PLD1: variants seen among roughly 807,000 people sequenced by gnomAD.
The protein encoded by PLD1 is choline phosphatase 1.
A neutral mutation model predicts 137.1 loss-of-function variants in PLD1; 112 were observed. The ratio of observed to expected loss-of-function variants is 0.82; its 90% CI spans 0.70 to 0.96. The LOEUF (loss-of-function observed/expected upper bound fraction) is 0.96. PLD1 is among the 40% of genes least tolerant of loss of function. The pLI, the probability that PLD1 is intolerant of heterozygous loss-of-function variation, is 0.00. For synonymous variants in PLD1, 431 were observed against 454.7 expected (o/e 0.95, Z 0.66); for missense variants, 1,321 against 1,342.0 (o/e 0.98, Z 0.24).
chr3:171,631,268 C>G (rs780082230), intron 23 of PLD1, among the ~76,000 whole-genome samples: 1 of 151,944 alleles, frequency 6.6e-6, no homozygotes, highest in African/African-American at 2.4e-5. Context: ...GCCAGCAATC[C>G]CAAACCTATT....
intron 1 of PLD1, among the ~76,000 whole-genome samples, chr3:171,753,118 T>A (rs1720777334): frequency 1.3e-5 from 2 of 152,222 alleles, no homozygotes; most frequent in African/African-American, 4.8e-5. Flanking sequence ...GACAACCAGA[T>A]GGGCTGGATA....
chr3:171,679,341 A>G (rs1040072129), intron 16 of PLD1, among the ~76,000 whole-genome samples: 1 of 152,252 alleles, frequency 6.6e-6, no homozygotes, highest in Admixed American at 6.5e-5. Context: ...AAATCATGTT[A>G]AAAATAGACT....
chr3:171,755,227 T>G (rs1316599759), intron 1 of PLD1, among the ~76,000 whole-genome samples: 5 of 152,084 alleles, frequency 3.3e-5, no homozygotes, highest in Non-Finnish European at 7.4e-5. Flanking sequence ...CTTTTCAAAG[T>G]CAACTTCCTA....
rs564188018 is a variant in PLD1 at position 171,615,851 on chromosome 3, C to G, written c.2729-3419G>C. Among the ~76,000 whole-genome samples, 3 of 152,292 alleles carry G rather than the reference C, an allele frequency of 2.0e-5. No homozygotes were observed. In the South Asian group the frequency reaches 6.2e-4, roughly 32 times the overall value. ...CTGAGTATTTGTTTCTTGGTATAGA[C>G]ATGTGTGAGTTTCTTAGGCTCTGTA... On this transcript the variant is annotated intron_variant, in intron 24 of 26. Coordinates refer to ENST00000351298, the MANE Select transcript of PLD1 (RefSeq NM_002662.5).
At chr3:171,732,623 G>T (rs1222719507) in intron 6 of PLD1, among the ~76,000 whole-genome samples, 1 of 152,130 alleles carries the variant, frequency 6.6e-6, no homozygotes, top group Non-Finnish European at 1.5e-5. Flanking sequence ...CTCTAAACTA[G>T]CGGACAAATC....
chr3:171,780,923 T>C (rs1016332875), intron 1 of PLD1, among the ~76,000 whole-genome samples: 3 of 152,214 alleles, frequency 2.0e-5, no homozygotes, highest in African/African-American at 7.2e-5. Context: ...ATACCAATTA[T>C]AAACTCATCA....
chr3:171,770,888 C>CATAAAAAAAAAAAAAAAAAAAAA (rs1722302790), intron 1 of PLD1, among the ~76,000 whole-genome samples: 1 of 40,882 alleles, frequency 2.4e-5, no homozygotes, highest in African/African-American at 7.9e-5. Flanking sequence ...AACCCTATCT[C>CATAAAAAAAAAAAAAAAAAAAAA]AAAAAAAAAA....
chr3:171,776,976 C>T lies in PLD1; in HGVS notation c.-32+33423G>A, dbSNP rs146303331. Among the ~76,000 whole-genome samples the T allele has an allele frequency of 4.4e-3, 667 of 152,062 alleles. 1 individual carries two copies. The highest frequency in any genetic ancestry group is 0.015 in the African/African-American group (636 of 41,468). ...TTTAAATACCTGATCAGTTCACAGACGACTTTGGCCCCTTCTCATATAATA... is the reference window on the plus strand; with the variant it reads ...TTTAAATACCTGATCAGTTCACAGATGACTTTGGCCCCTTCTCATATAATA... On this transcript the variant is annotated intron_variant, in intron 1 of 26. Coordinates refer to ENST00000351298, the MANE Select transcript of PLD1 (RefSeq NM_002662.5).
At chr3:171,717,678 A>G (rs1003502702) in intron 8 of PLD1, among the ~76,000 whole-genome samples, 1 of 152,190 alleles carries the variant, frequency 6.6e-6, no homozygotes, top group African/African-American at 2.4e-5. Flanking sequence ...GCAAATAGGA[A>G]TAGTTTGACT....
chr3:171,786,037 A>T (rs556831302), intron 1 of PLD1, among the ~76,000 whole-genome samples: 15 of 152,196 alleles, frequency 9.9e-5, no homozygotes, highest in Admixed American at 5.2e-4. Context: ...CCCTCAATAA[A>T]TGTTTCTTGG....
rs1714833505 is a variant in PLD1, at chr3:171,688,798, A to T, written c.1417T>A (p.Ser473Thr). Residue 473 changes from serine (S) to threonine (T), a missense_variant, in exon 14 of 27, where the codon TCG becomes ACG. By Grantham distance (58) the Ser-to-Thr change is moderately conservative. Coordinates refer to ENST00000351298, the MANE Select transcript of PLD1 (RefSeq NM_002662.5). Reference protein sequence around the residue: ...HHEKLVIIDQSVAFVGGIDLA... With the variant: ...HHEKLVIIDQTVAFVGGIDLA... ...TCAATCCCTCCCACAAAGGCCACCG[A>T]TTGGTCAATGATGACAAGCTTCTCA... 2 of 1,614,042 alleles carry T rather than the reference A, an allele frequency of 1.2e-6. No homozygotes were observed. Among genetic ancestry groups the T allele is most frequent in the Non-Finnish European group, 8.5e-7 (1 of 1,180,010 alleles).
intron 2 of PLD1, 41 bp from the exon 3 acceptor site, chr3:171,737,700 A>T (rs371636999): frequency 3.5e-6 from 5 of 1,411,904 alleles, no homozygotes; most frequent in Non-Finnish European, 4.9e-6. Context: ...ATATATGATT[A>T]GCATAACTTG....
intron 16 of PLD1, among the ~76,000 whole-genome samples, chr3:171,685,893 C>T (rs924785549): frequency 5.3e-5 from 8 of 152,052 alleles, no homozygotes; most frequent in African/African-American, 1.4e-4. Context: ...CCAAGGCAGA[C>T]GGATCACTTG....
intron 1 of PLD1, among the ~76,000 whole-genome samples, chr3:171,808,504 C>A (rs1445565766): frequency 6.6e-6 from 1 of 152,044 alleles, no homozygotes; most frequent in Non-Finnish European, 1.5e-5. Context: ...CCACTGCACT[C>A]CAGCCTGGGC....
intron 1 of PLD1, among the ~76,000 whole-genome samples, chr3:171,757,020 C>T (rs1289167730): frequency 6.6e-6 from 1 of 152,118 alleles, no homozygotes; most frequent in Non-Finnish European, 1.5e-5. Context: ...GGTAATTTTC[C>T]TTGATCCCAT....
rs1560140759 is a variant in PLD1, at chr3:171,609,553, CA to C, written c.2882+2725del. Among the ~76,000 whole-genome samples the C allele has an allele frequency of 8.2e-4, 111 of 136,196 alleles. 1 individual carries two copies. The highest frequency in any genetic ancestry group is 2.6e-3 in the African/African-American group (87 of 33,308). The allele number at this position is 136,196 out of a possible 152,430, so 89.3% of individuals were successfully genotyped here. On this transcript the variant is annotated intron_variant, in intron 25 of 26. Coordinates refer to ENST00000351298, the MANE Select transcript of PLD1 (RefSeq NM_002662.5). The stretch of plus-strand genomic sequence containing the variant: ...ACACACACACACACACACACACACA[CA>C]CCAGAGAAAACTACTCAGCCATAAA...
At position 171,686,709 on chromosome 3, in the gene PLD1, G is replaced by T. The variant is rs780340887; in HGVS notation, c.1843C>A (p.Gln615Lys). Reference sequence around the variant, plus strand: ...CCAGCATGAGGTCTAGTGAGTCCTTGCTCAGACTCACTGGACGGGTGAAAG... The same window carrying T: ...CCAGCATGAGGTCTAGTGAGTCCTTTCTCAGACTCACTGGACGGGTGAAAG... ...KLFHPSSESE[Q>K]GLTRPHADTG... is the part of the protein sequence containing the mutation. The change falls in exon 16 of 27, where the codon CAA becomes AAA. Residue 615 changes from glutamine (Q) to lysine (K), a missense_variant. Coordinates refer to ENST00000351298, the MANE Select transcript of PLD1 (RefSeq NM_002662.5). 6.9e-6 allele frequency: 11 copies of T among 1,599,498 alleles called. No homozygotes were observed. Among genetic ancestry groups the T allele is most frequent in the Non-Finnish European group, 8.6e-6 (10 of 1,167,920 alleles).
intron 24 of PLD1, among the ~76,000 whole-genome samples, chr3:171,618,647 C>G (rs1188940204): frequency 6.6e-6 from 1 of 151,804 alleles, no homozygotes; most frequent in Non-Finnish European, 1.5e-5. Context: ...TCCTAAAGAG[C>G]TTTTATCCCT....
chr3:171,655,325 G>A (rs916731363), intron 21 of PLD1, among the ~76,000 whole-genome samples: 2 of 152,090 alleles, frequency 1.3e-5, no homozygotes, highest in Non-Finnish European at 2.9e-5. Flanking sequence ...TCACCCCAGG[G>A]TGGCAACCTG....
Sources: allele counts gnomAD v4.1 joint callset (sites outside exome capture counted in the v4.1 genomes callset), GRCh38; gene constraint gnomAD v4.1.1; transcripts MANE v1.5; gene names NCBI Gene and HGNC (gene_info 2026-07-23, HGNC 2026-07-21).